AKT3: variants seen among roughly 807,000 people sequenced by gnomAD.
The protein encoded by AKT3 is AKT serine/threonine kinase 3.
AKT3 carries 15 observed loss-of-function variants against 65.3 expected under a neutral mutation model. The observed-to-expected ratio is 0.23, with a 90% CI of 0.15 to 0.35. The LOEUF is 0.35. AKT3 is among the 10% of genes least tolerant of loss of function. AKT3 has a pLI of 1.00. For synonymous variants in AKT3, 206 were observed against 183.8 expected (o/e 1.12, Z -0.98); for missense variants, 243 against 576.5 (o/e 0.42, Z 5.92).
intron 5 of AKT3, among the ~76,000 whole-genome samples, chr1:243,640,798 A>G (rs2147823629): frequency 6.6e-6 from 1 of 152,298 alleles, no homozygotes; most frequent in African/African-American, 2.4e-5. Flanking sequence ...CAAAATCATG[A>G]GATATTTACA....
At chr1:243,641,258 G>GTGTGTGTGTGTGTA (rs1553422104) in intron 5 of AKT3, among the ~76,000 whole-genome samples, 1 of 141,156 alleles carries the variant, frequency 7.1e-6, no homozygotes, top group Admixed American at 7.1e-5. Flanking sequence ...ATGTGTGTGT[G>GTGTGTGTGTGTGTA]TATATATATA....
At chr1:243,656,551 G>C (rs1047118084) in intron 4 of AKT3, among the ~76,000 whole-genome samples, 1 of 152,188 alleles carries the variant, frequency 6.6e-6, no homozygotes, top group Non-Finnish European at 1.5e-5. Context: ...CTTGAATGTA[G>C]ATGTGAAAAA....
At chr1:243,707,397 C>T (rs923289461) in intron 2 of AKT3, among the ~76,000 whole-genome samples, 1 of 152,134 alleles carries the variant, frequency 6.6e-6, no homozygotes, top group Non-Finnish European at 1.5e-5. Context: ...CTGAGTGTCG[C>T]TTATGTTTAA....
intron 13 of AKT3, among the ~76,000 whole-genome samples, chr1:243,490,648 A>G (rs1369784725): frequency 6.6e-6 from 1 of 152,208 alleles, no homozygotes; most frequent in Non-Finnish European, 1.5e-5. Context: ...GGGAGTGCTG[A>G]GTGCAGGCGG....
intron 3 of AKT3, among the ~76,000 whole-genome samples, chr1:243,671,805 G>A (rs1361978422): frequency 6.6e-6 from 1 of 152,114 alleles, no homozygotes; most frequent in South Asian, 2.1e-4. Context: ...CAAGACTCAG[G>A]CAAGCTAAAT....
At chr1:243,701,717 A>T (rs890773589) in intron 2 of AKT3, among the ~76,000 whole-genome samples, 4 of 151,946 alleles carry the variant, frequency 2.6e-5, no homozygotes, top group Non-Finnish European at 5.9e-5. Flanking sequence ...ACAAACAAAA[A>T]TTCTAATTTT....
chr1:243,550,891 G>A (rs530903128), intron 11 of AKT3, among the ~76,000 whole-genome samples: 3 of 143,450 alleles, frequency 2.1e-5, no homozygotes, highest in South Asian at 2.3e-4. Flanking sequence ...CCCAGGAGGC[G>A]GAGGTTGCAG....
At chr1:243,676,064 G>C (rs1456982381) in intron 3 of AKT3, among the ~76,000 whole-genome samples, 1 of 152,184 alleles carries the variant, frequency 6.6e-6, no homozygotes, top group Admixed American at 6.5e-5. Context: ...GGGATGAGTA[G>C]TCAAACAATA....
At chr1:243,716,264 G>C (rs1686508554) in intron 2 of AKT3, among the ~76,000 whole-genome samples, 3 of 152,092 alleles carry the variant, frequency 2.0e-5, no homozygotes, top group African/African-American at 7.2e-5. Context: ...AATGATCCTA[G>C]TGGGTCTGGT....
rs1051636136 is a variant in AKT3, at chr1:243,792,885, A to G, written c.46+50240T>C. 1.3e-4 allele frequency among the ~76,000 whole-genome samples: 20 copies of G among 152,358 alleles called. No homozygotes were observed. In the East Asian group the frequency reaches 3.5e-3, roughly 26 times the overall value. On this transcript the variant is annotated intron_variant, in intron 2 of 13. Coordinates refer to ENST00000673466, the MANE Select transcript of AKT3 (RefSeq NM_005465.7). The stretch of plus-strand genomic sequence containing the variant: ...CCTCCAAACACATTAAAATGAATTT[A>G]TAACAGTAAATGTATCACAAGCCTC...
intron 13 of AKT3, among the ~76,000 whole-genome samples, chr1:243,491,061 A>T (rs1666276763): frequency 6.6e-6 from 1 of 152,184 alleles, no homozygotes; most frequent in East Asian, 1.9e-4. Flanking sequence ...GGTTGTGGGG[A>T]GTCTTCCGTG....
intron 4 of AKT3, among the ~76,000 whole-genome samples, chr1:243,659,332 G>C (rs914452891): frequency 6.6e-6 from 1 of 152,120 alleles, no homozygotes; most frequent in African/African-American, 2.4e-5. Context: ...AAACGTTCTA[G>C]AGATCTGCTG....
intron 12 of AKT3, among the ~76,000 whole-genome samples, chr1:243,532,505 T>C (rs1325722431): frequency 6.6e-6 from 1 of 152,218 alleles, no homozygotes; most frequent in Non-Finnish European, 1.5e-5. Context: ...CTGGAATAAA[T>C]CTACTTGGTT....
intron 2 of AKT3, among the ~76,000 whole-genome samples, chr1:243,747,591 T>G (rs542780518): frequency 1.3e-5 from 2 of 152,150 alleles, no homozygotes; most frequent in Non-Finnish European, 2.9e-5. Context: ...ATGACTTCTT[T>G]CCCAAGACAC....
Position 243,561,959 on chromosome 1 carries a change from AG to A in AKT3, c.948+1760del, listed in dbSNP as rs1166998768. On this transcript the variant is annotated intron_variant, in intron 10 of 13. Coordinates refer to ENST00000673466, the MANE Select transcript of AKT3 (RefSeq NM_005465.7). ...AGGCTTACAACTGCTTCAGGGAGTAAGGGTATGACAGAAATGATGTTGTGTG... is the reference window on the plus strand; with the variant it reads ...AGGCTTACAACTGCTTCAGGGAGTAAGGTATGACAGAAATGATGTTGTGTG... 2.0e-5 allele frequency among the ~76,000 whole-genome samples: 3 copies of A among 152,160 alleles called. No individual in the cohort carries two copies. The East Asian group carries it at 5.8e-4, about 29-fold the overall frequency.
At chr1:243,585,379 GA>G (rs113327268) in intron 8 of AKT3, among the ~76,000 whole-genome samples, 9 of 146,128 alleles carry the variant, frequency 6.2e-5, no homozygotes, top group African/African-American at 1.0e-4. Flanking sequence ...CACAGAACTG[GA>G]AAAAAAAAAC....
intron 8 of AKT3, among the ~76,000 whole-genome samples, chr1:243,573,704 A>T (rs796372833): frequency 2.2e-4 from 34 of 152,286 alleles, no homozygotes; most frequent in African/African-American, 7.9e-4. Flanking sequence ...TCTATTTTCA[A>T]TAATAATTAG....
chr1:243,522,333 C>T (rs993194123), intron 12 of AKT3, among the ~76,000 whole-genome samples: 1 of 152,096 alleles, frequency 6.6e-6, no homozygotes, highest in Non-Finnish European at 1.5e-5. Flanking sequence ...AAGGCAATTT[C>T]CAACTTACAA....
intron 9 of AKT3, among the ~76,000 whole-genome samples, chr1:243,567,233 A>T (rs1258755389): frequency 6.6e-6 from 1 of 152,176 alleles, no homozygotes; most frequent in African/African-American, 2.4e-5. Context: ...TGTAATATGC[A>T]GAGATGGTGC....
Sources: allele counts gnomAD v4.1 joint callset (sites outside exome capture counted in the v4.1 genomes callset), GRCh38; gene constraint gnomAD v4.1.1; transcripts MANE v1.5; gene names NCBI Gene and HGNC (gene_info 2026-07-23, HGNC 2026-07-21).